The following MAPK8IP3 variants were observed in gnomAD, a reference collection of about 807,000 sequenced individuals.
MAPK8IP3 encodes the protein C-Jun-amino-terminal kinase-interacting protein 3.
In MAPK8IP3, 49 loss-of-function variants were observed where a neutral mutation model predicts 157.8. That is an observed-to-expected ratio of 0.31 (90% CI 0.25 to 0.39). The LOEUF is 0.39. Ranked by LOEUF, MAPK8IP3 falls within the 10% of genes least tolerant of loss-of-function variation. The pLI is 1.00. For missense variants in MAPK8IP3, 1,478 were observed against 1,889.4 expected (o/e 0.78, Z 4.04); for synonymous variants, 897 against 777.7 (o/e 1.15, Z -2.55).
rs753694443 is a variant in MAPK8IP3, at chr16:1,768,636, G to A, written c.3892+10G>A. On this transcript the variant is annotated intron_variant, in intron 31 of 31. Transcript: ENST00000610761. ...ATCGACTTCCGCATTGGTGAGCGGG[G>A]CCCAGGGACAGGGCTGAGGTTGGGC... The A allele has an allele frequency of 1.2e-6, 2 of 1,608,460 alleles. No homozygotes were observed. Among genetic ancestry groups the A allele is most frequent in the Admixed American group, 1.7e-5 (1 of 59,416 alleles).
chr16:1,738,178 G>C (rs1400034114), intron 4 of MAPK8IP3, among the ~76,000 whole-genome samples: 1 of 98,728 alleles, frequency 1.0e-5, no homozygotes, highest in Non-Finnish European at 2.0e-5. Context: ...CCGTCCGTGT[G>C]AGCGTCCGTG....
chr16:1,764,565 C>G, intron 19 of MAPK8IP3, 106 bp downstream of exon 19: 1 of 1,444,860 alleles, frequency 6.9e-7, no homozygotes, highest in Non-Finnish European at 9.3e-7. Flanking sequence ...GGACAGCACC[C>G]GGAAGCAGGG....
chr16:1,739,620 GTCCGTGTGAGCT>G (rs1217635040), intron 4 of MAPK8IP3, among the ~76,000 whole-genome samples: 1 of 135,358 alleles, frequency 7.4e-6, no homozygotes, highest in East Asian at 2.3e-4. Context: ...CCGTGTGACC[GTCCGTGTGAGCT>G]TCCGTGTGAC....
intron 4 of MAPK8IP3, among the ~76,000 whole-genome samples, chr16:1,730,145 C>T (rs995659261): frequency 2.0e-5 from 3 of 151,756 alleles, no homozygotes; most frequent in African/African-American, 7.3e-5. Context: ...CCTGTAGTCC[C>T]AGCTACTCAG....
rs1043768417 is a variant in MAPK8IP3, at chr16:1,741,299, C to G, written c.603-2033C>G. On this transcript the variant is annotated intron_variant, in intron 4 of 31. Transcript: ENST00000610761. This position sits in a 1 kb window ranked among gnomAD's most constrained non-coding sequence, Gnocchi z 6.9. Reference sequence around the variant, plus strand: ...GACGGGGTCAGTCGGCAAACGCTCACGAGCCTGAGGCCAGGGCCTGGGGGC... The same window carrying G: ...GACGGGGTCAGTCGGCAAACGCTCAGGAGCCTGAGGCCAGGGCCTGGGGGC... Among the ~76,000 whole-genome samples, 2 of 152,172 alleles carry G rather than the reference C, an allele frequency of 1.3e-5. No individual in the cohort carries two copies. Among genetic ancestry groups the G allele is most frequent in the African/African-American group, 4.8e-5 (2 of 41,444 alleles).
chr16:1,714,566 G>T (rs968665870), intron 1 of MAPK8IP3, among the ~76,000 whole-genome samples: 2 of 152,016 alleles, frequency 1.3e-5, no homozygotes, highest in African/African-American at 4.8e-5. Flanking sequence ...TTAAAGTTTC[G>T]GGGGGCCCCT....
Position 1,706,583 on chromosome 16 carries a change from C to T in MAPK8IP3, c.244C>T (p.Leu82=). The change falls in exon 1 of 32, where the codon CTG becomes TTG. Residue 82 remains leucine, a synonymous_variant. Transcript: ENST00000610761. The surrounding 1 kb of genome is among the most constrained non-coding windows in gnomAD (Gnocchi z 5.1). The part of the protein sequence containing the change: ...ENQEHEVELE[L]LREDNEQLLT... The stretch of plus-strand genomic sequence containing the variant: ...CCAGGAGCACGAGGTGGAGCTGGAG[C>T]TGCTGCGCGAGGACAACGAGCAGCT... 1.2e-6 allele frequency: 2 copies of T among 1,610,478 alleles called. No homozygotes were observed. The highest frequency in any genetic ancestry group is 1.7e-6 in the Non-Finnish European group (2 of 1,178,490).
In MAPK8IP3 at chr16:1,724,251, G is replaced by C. The variant is rs373439836; in HGVS notation, c.319-306G>C. Among the ~76,000 whole-genome samples the C allele has an allele frequency of 8.0e-4, 122 of 152,358 alleles. No individual in the cohort carries two copies. The highest frequency in any genetic ancestry group is 2.9e-3 in the African/African-American group (119 of 41,596). On this transcript the variant is annotated intron_variant, in intron 1 of 31. Transcript: ENST00000610761. The surrounding 1 kb of genome is among the most constrained non-coding windows in gnomAD (Gnocchi z 4.1). ...TGCTGCCCGGGTCTCATGCAGCCAC[G>C]AAGGCAGCCGTAATTGGAAACAACA...
At chr16:1,729,053 C>T (rs2039109162) in intron 2 of MAPK8IP3, 85 bp from the exon 3 acceptor site, 3 of 1,325,002 alleles carry the variant, frequency 2.3e-6, no homozygotes, top group African/African-American at 2.9e-5. Flanking sequence ...TGTCCTGGAA[C>T]CCCCTCCCTC....
At chr16:1,727,160 A>G (rs2038937853) in intron 2 of MAPK8IP3, among the ~76,000 whole-genome samples, 3 of 136,412 alleles carry the variant, frequency 2.2e-5, no homozygotes, top group African/African-American at 5.7e-5. Flanking sequence ...TGCTGTGTGG[A>G]GGGTCTGTGA....
In MAPK8IP3 at chr16:1,706,663, T is replaced by C. The variant is rs1422888848; in HGVS notation, c.318+6T>C. On this transcript the variant is annotated splice_donor_region_variant and intron_variant, in intron 1 of 31. Coordinates refer to ENST00000610761, the MANE Select transcript of MAPK8IP3 (RefSeq NM_001318852.2). This position sits in a 1 kb window ranked among gnomAD's most constrained non-coding sequence, Gnocchi z 5.1. Reference sequence around the variant, plus strand: ...TGCGCAGGCAGGCGGAGGAGGTGCGTGGGCCGCGGGACCCGCCCGCATCCC... The same window carrying C: ...TGCGCAGGCAGGCGGAGGAGGTGCGCGGGCCGCGGGACCCGCCCGCATCCC... 6.5e-7 allele frequency: 1 copy of C among 1,531,720 alleles called. No homozygotes were observed. The highest frequency in any genetic ancestry group is 2.5e-5 in the East Asian group (1 of 40,486). The allele number at this position is 1,531,720 out of a possible 1,614,324, so 94.9% of individuals were successfully genotyped here.
In MAPK8IP3 at chr16:1,748,944, G is replaced by A. The variant is rs771361860; in HGVS notation, c.1216+224G>A. ...GATGCCAAAATCTGAGGCTTCTCAA[G>A]TCCCTGCTCTGAAGTGGTGTAGTGT... On this transcript the variant is annotated intron_variant, in intron 8 of 31. Coordinates refer to ENST00000610761, the MANE Select transcript of MAPK8IP3 (RefSeq NM_001318852.2). 6 of 692,518 alleles carry A rather than the reference G, an allele frequency of 8.7e-6. No homozygotes were observed. The East Asian group carries it at 1.4e-4, about 16-fold the overall frequency. 42.9% of individuals were successfully genotyped at this position (692,518 alleles called of 1,614,324 possible). A position where few individuals can be genotyped will look rare whatever the true frequency, so the allele number is the denominator to read the frequency against.
chr16:1,736,315 CGTGT>C (rs1210544662), intron 4 of MAPK8IP3, among the ~76,000 whole-genome samples: 1 of 55,458 alleles, frequency 1.8e-5, no homozygotes, highest in African/African-American at 7.0e-5. Flanking sequence ...TCCGTGTGAG[CGTGT>C]GACCGTGTGA....
intron 5 of MAPK8IP3, chr16:1,744,263 G>T: frequency 4.1e-6 from 4 of 985,670 alleles, no homozygotes; most frequent in Non-Finnish European, 3.6e-6. Context: ...GCCGTCAGAG[G>T]ATGTCCACAG....
chr16:1,752,591 T>TA (rs983001409), intron 8 of MAPK8IP3: 3 of 280,474 alleles, frequency 1.1e-5, no homozygotes, highest in Non-Finnish European at 2.2e-5. Context: ...AAACATTTTA[T>TA]AAAAAAATTA....
rs1392914543 is a variant in MAPK8IP3 at position 1,706,704 on chromosome 16, G to T, written c.318+47G>T. On this transcript the variant is annotated intron_variant, in intron 1 of 31. Transcript: ENST00000610761. The surrounding 1 kb of genome is among the most constrained non-coding windows in gnomAD (Gnocchi z 5.1). ...CCCGCATCCCCGTCCCGGACCCCCAGCCAGCCCCGGGCCCCGGACCCAACA... is the reference window on the plus strand; with the variant it reads ...CCCGCATCCCCGTCCCGGACCCCCATCCAGCCCCGGGCCCCGGACCCAACA... The T allele has an allele frequency of 6.7e-7, 1 of 1,486,804 alleles. No individual in the cohort carries two copies. Among genetic ancestry groups the T allele is most frequent in the East Asian group, 2.5e-5 (1 of 39,932 alleles). The allele number at this position is 1,486,804 out of a possible 1,614,324, so 92.1% of individuals were successfully genotyped here.
chr16:1,762,870 C>T lies in MAPK8IP3; in HGVS notation c.1762C>T (p.Pro588Ser), dbSNP rs573495601. The T allele has an allele frequency of 3.2e-5, 51 of 1,613,122 alleles. No homozygotes were observed. Among genetic ancestry groups the T allele is most frequent in the African/African-American group, 1.1e-4 (8 of 74,928 alleles). Residue 588 changes from proline to serine, a missense_variant, in exon 16 of 32, where the codon CCT becomes TCT. By Grantham distance (74) the Pro-to-Ser change is moderately conservative. Around this residue, in one of 11 missense-constraint regions of MAPK8IP3, gnomAD observed 669 missense variants for 759.8 expected, o/e 0.88. Transcript: ENST00000610761. ...CCTCTTCAGCTCTTCCTCCAGCCCC[C>T]CTCCGGCCAAGCGCCCCTATCCCTC... The part of the protein sequence containing the change: ...SRLFSSSSSP[P>S]PAKRPYPSVN...
rs201670194 is a variant in MAPK8IP3 at position 1,767,235 on chromosome 16, C to T, written c.3175C>T (p.Arg1059Cys). 2,068 of 1,613,454 alleles carry T rather than the reference C, an allele frequency of 1.3e-3. 6 individuals carry two copies. Among genetic ancestry groups the T allele is most frequent in the Non-Finnish European group, 1.6e-3 (1,911 of 1,180,016 alleles). The change falls in exon 26 of 32, where the codon CGC becomes TGC. Residue 1059 changes from arginine (R) to cysteine (C), a missense_variant. Coordinates refer to ENST00000610761, the MANE Select transcript of MAPK8IP3 (RefSeq NM_001318852.2). ...CCGCTGCATGGCTGTTGTGTACGAC[C>T]GCGTGTGGTGTGGCTACAAGAACAA... ...SIRCMAVVYDRVWCGYKNKVH... is the reference protein window; with the variant it reads ...SIRCMAVVYDCVWCGYKNKVH...
In MAPK8IP3 at chr16:1,750,115, G is replaced by A. The variant is rs117378002; in HGVS notation, c.1216+1395G>A. On this transcript the variant is annotated intron_variant, in intron 8 of 31. Transcript: ENST00000610761. ...AAAAATATATATAAAAAATCCAAAG[G>A]AGATTAATCTTCAGAAAAATCCTGC... 5.2e-3 allele frequency among the ~76,000 whole-genome samples: 785 copies of A among 152,206 alleles called. 2 individuals are homozygous for A. Among genetic ancestry groups the A allele is most frequent in the Non-Finnish European group, 8.6e-3 (582 of 68,018 alleles).
Sources: allele counts gnomAD v4.1 joint callset (sites outside exome capture counted in the v4.1 genomes callset), GRCh38; gene constraint gnomAD v4.1.1; regional missense constraint gnomAD v4.1.1; non-coding constraint Gnocchi (gnomAD v3.1); transcripts MANE v1.5; gene names NCBI Gene and HGNC (gene_info 2026-07-23, HGNC 2026-07-21).